EPHA6: variants seen among roughly 807,000 people sequenced by gnomAD.
The protein encoded by EPHA6 is ephrin type-A receptor 6.
A neutral mutation model predicts 112.0 loss-of-function variants in EPHA6; 50 were observed. That is an observed-to-expected ratio of 0.45 (90% confidence interval 0.36 to 0.56). The LOEUF is 0.56. Among genes scored for constraint, EPHA6 ranks in the 20% least tolerant of loss-of-function variants. The pLI is 0.00. For synonymous variants in EPHA6, 529 were observed against 490.7 expected (o/e 1.08, Z -1.03); for missense variants, 1,280 against 1,417.4 (o/e 0.90, Z 1.56).
At chr3:97,296,616 C>T (rs546061537) in intron 5 of EPHA6, among the ~76,000 whole-genome samples, 2 of 152,240 alleles carry the variant, frequency 1.3e-5, no homozygotes, top group East Asian at 3.9e-4. Context: ...CACTTTTATT[C>T]CCAGCAGCAG....
intron 3 of EPHA6, among the ~76,000 whole-genome samples, chr3:97,114,070 A>G (rs999097793): frequency 1.3e-5 from 2 of 152,062 alleles, no homozygotes; most frequent in African/African-American, 4.8e-5. Context: ...TGCTGCTATT[A>G]TGCTATTCAT....
intron 3 of EPHA6, among the ~76,000 whole-genome samples, chr3:97,160,348 G>A (rs1278827668): frequency 2.0e-5 from 3 of 151,876 alleles, no homozygotes; most frequent in African/African-American, 7.3e-5. Context: ...GTGATCTCGG[G>A]TCACTACAAT....
chr3:97,267,935 T>C (rs528776220), intron 5 of EPHA6, among the ~76,000 whole-genome samples: 1 of 152,172 alleles, frequency 6.6e-6, no homozygotes, highest in African/African-American at 2.4e-5. Flanking sequence ...ACAGAAAACC[T>C]GATTAAGACT....
intron 3 of EPHA6, among the ~76,000 whole-genome samples, chr3:97,018,235 G>A (rs1415481814): frequency 6.6e-6 from 1 of 151,736 alleles, no homozygotes; most frequent in Non-Finnish European, 1.5e-5. Context: ...TTATTTGCAT[G>A]CATTTTTACC....
chr3:97,746,397 A>G (rs1463048126), intron 16 of EPHA6, among the ~76,000 whole-genome samples: 1 of 151,800 alleles, frequency 6.6e-6, no homozygotes, highest in African/African-American at 2.4e-5. Context: ...TTTACCACCA[A>G]GTATTTTTTA....
intron 2 of EPHA6, among the ~76,000 whole-genome samples, chr3:96,890,156 A>G (rs28707752): frequency 0.028 from 4,251 of 152,150 alleles, 198 homozygotes; most frequent in African/African-American, 0.095. Context: ...ACGATATTAC[A>G]TATTGAACTA....
intron 5 of EPHA6, among the ~76,000 whole-genome samples, chr3:97,384,028 G>A (rs879290193): frequency 7.9e-5 from 12 of 152,074 alleles, no homozygotes; most frequent in Non-Finnish European, 1.6e-4. Flanking sequence ...TGGCATTTCA[G>A]TATGTAGAAT....
At chr3:97,282,497 A>G (rs1452033555) in intron 5 of EPHA6, among the ~76,000 whole-genome samples, 1 of 152,204 alleles carries the variant, frequency 6.6e-6, no homozygotes, top group East Asian at 1.9e-4. Context: ...TATATATCCA[A>G]AGAAATATAA....
At chr3:96,999,055 G>A (rs2043531223) in intron 3 of EPHA6, among the ~76,000 whole-genome samples, 1 of 151,616 alleles carries the variant, frequency 6.6e-6, no homozygotes, top group Non-Finnish European at 1.5e-5. Context: ...TTTTATTCTG[G>A]ATATATTTTA....
chr3:97,644,870 C>T (rs1308277292), intron 14 of EPHA6, among the ~76,000 whole-genome samples: 1 of 152,078 alleles, frequency 6.6e-6, no homozygotes, highest in Admixed American at 6.5e-5. Flanking sequence ...CAAGGAGGAA[C>T]TGGTACCATT....
At chr3:97,151,411 C>T (rs1221563986) in intron 3 of EPHA6, among the ~76,000 whole-genome samples, 1 of 151,976 alleles carries the variant, frequency 6.6e-6, no homozygotes, top group Non-Finnish European at 1.5e-5. Context: ...TTTTACAGTG[C>T]CTTATACATA....
chr3:97,036,526 C>A (rs2612277), intron 3 of EPHA6, among the ~76,000 whole-genome samples: 31,268 of 151,776 alleles, frequency 0.21, 6,629 homozygotes, highest in African/African-American at 0.54. Context: ...AAAAGATGAC[C>A]CTGACAGCTA....
chr3:97,333,738 C>T (rs1235206934), intron 5 of EPHA6, among the ~76,000 whole-genome samples: 2 of 152,034 alleles, frequency 1.3e-5, no homozygotes, highest in East Asian at 3.9e-4. Context: ...CTCAGCCTCC[C>T]AAAGTGGTGG....
intron 2 of EPHA6, among the ~76,000 whole-genome samples, chr3:96,911,302 A>G (rs1233492645): frequency 6.6e-6 from 1 of 152,060 alleles, no homozygotes; most frequent in Middle Eastern, 3.2e-3. Flanking sequence ...CATTCAAATT[A>G]ATTTTTTAAT....
rs542251064 is a variant in EPHA6 at position 97,425,104 on chromosome 3, G to T, written c.1731+19830G>T. Among the ~76,000 whole-genome samples the T allele has an allele frequency of 3.9e-5, 6 of 152,318 alleles. No homozygotes were observed. In the East Asian group the frequency reaches 1.2e-3, roughly 29 times the overall value. ...AGCCCCCTCCTGGCTGCTATCACAG[G>T]CTGGCGTTGAGTGTGTGTGACTTTT... On this transcript the variant is annotated intron_variant, in intron 6 of 17. Coordinates refer to ENST00000389672, the MANE Select transcript of EPHA6 (RefSeq NM_001080448.3).
chr3:97,063,584 G>A (rs1324191694), intron 3 of EPHA6, among the ~76,000 whole-genome samples: 1 of 151,974 alleles, frequency 6.6e-6, no homozygotes, highest in South Asian at 2.1e-4. Flanking sequence ...AGGAGAAATA[G>A]TTAATGCATG....
intron 3 of EPHA6, among the ~76,000 whole-genome samples, chr3:96,999,403 A>G (rs1261824051): frequency 6.6e-6 from 1 of 151,962 alleles, no homozygotes; most frequent in Non-Finnish European, 1.5e-5. Context: ...AGTAAAGCAG[A>G]CATCTCTTAA....
chr3:97,566,503 G>A (rs2093268882), intron 11 of EPHA6, among the ~76,000 whole-genome samples: 1 of 152,170 alleles, frequency 6.6e-6, no homozygotes, highest in African/African-American at 2.4e-5. Context: ...GAGTAGTGCT[G>A]CTTTGGGATC....
At chr3:97,146,649 C>G (rs1165675619) in intron 3 of EPHA6, among the ~76,000 whole-genome samples, 1 of 151,864 alleles carries the variant, frequency 6.6e-6, no homozygotes, top group Non-Finnish European at 1.5e-5. Context: ...ATGATGCCTC[C>G]TCTTCTTTTT....
Sources: allele counts gnomAD v4.1 joint callset (sites outside exome capture counted in the v4.1 genomes callset), GRCh38; gene constraint gnomAD v4.1.1; transcripts MANE v1.5; gene names NCBI Gene and HGNC (gene_info 2026-07-23, HGNC 2026-07-21).